The following UBE3D variants were observed in gnomAD, a reference collection of about 807,000 sequenced individuals.
The protein encoded by UBE3D is ubiquitin protein ligase E3D, also known as E3 ubiquitin-protein ligase E3D.
UBE3D carries 48 observed loss-of-function variants against 49.6 expected under a neutral mutation model. The observed-to-expected ratio is 0.97, with a 90% CI of 0.77 to 1.23. The LOEUF is 1.23. Ranked by LOEUF, UBE3D falls within the 50% of genes most tolerant of loss-of-function variation. The pLI is 0.00. For missense variants in UBE3D, 452 were observed against 468.4 expected (o/e 0.96, Z 0.32); for synonymous variants, 189 against 174.2 (o/e 1.08, Z -0.67).
chr6:82,946,099 G>T (rs191272652), intron 9 of UBE3D, among the ~76,000 whole-genome samples: 86 of 152,132 alleles, frequency 5.7e-4, no homozygotes, highest in African/African-American at 2.0e-3. Flanking sequence ...ACATTCAAAG[G>T]GATAATAACA....
At chr6:83,040,390 T>G (rs1782584200) in intron 4 of UBE3D, among the ~76,000 whole-genome samples, 3 of 83,484 alleles carry the variant, frequency 3.6e-5, no homozygotes, top group African/African-American at 1.1e-4. Flanking sequence ...TCTCTCTCTC[T>G]CTCTCTCTCT....
At position 82,957,483 on chromosome 6, in the gene UBE3D, T is replaced by C. The variant is rs1245671701; in HGVS notation, c.1011-33A>G. 3.8e-6 allele frequency: 6 copies of C among 1,577,584 alleles called. No homozygotes were observed. In the African/African-American group the frequency reaches 4.1e-5, roughly 11 times the overall value. ...ACACCAACACATTAACTTTCAAAAA[T>C]GCATTATCATAATTATTTTAAAAAT... On this transcript the variant is annotated intron_variant, in intron 8 of 9. Coordinates refer to ENST00000369747, the MANE Select transcript of UBE3D (RefSeq NM_198920.3).
At chr6:82,921,875 A>G (rs1773369927) in intron 9 of UBE3D, among the ~76,000 whole-genome samples, 1 of 152,210 alleles carries the variant, frequency 6.6e-6, no homozygotes, top group Non-Finnish European at 1.5e-5. Context: ...AAAACTGTAG[A>G]CATTTTCACT....
At chr6:83,025,014 A>C (rs1273490008) in intron 5 of UBE3D, among the ~76,000 whole-genome samples, 5 of 152,156 alleles carry the variant, frequency 3.3e-5, no homozygotes, top group African/African-American at 1.2e-4. Context: ...TTCTTATACA[A>C]ATCAAGTAAG....
rs1240463010 is a variant in UBE3D, at chr6:83,018,968, C to T, written c.1010+5G>A. ...GTGGAAAGAGAAAACAAATGCACAACTTACTTTTCATTCCTGCTTTTGATG... is the reference window on the plus strand; with the variant it reads ...GTGGAAAGAGAAAACAAATGCACAATTTACTTTTCATTCCTGCTTTTGATG... On this transcript the variant is annotated splice_donor_5th_base_variant and intron_variant, in intron 8 of 9. Transcript: ENST00000369747. The T allele has an allele frequency of 6.2e-7, 1 of 1,611,602 alleles. No homozygotes were observed. The highest frequency in any genetic ancestry group is 8.5e-7 in the Non-Finnish European group (1 of 1,179,246).
the UBE3D span, among the ~76,000 whole-genome samples, chr6:82,886,665 T>C: frequency 6.6e-6 from 1 of 152,260 alleles, no homozygotes; most frequent in African/African-American, 2.4e-5. Flanking sequence ...TATCAAGTTC[T>C]CTTTGTTTCC....
intron 8 of UBE3D, among the ~76,000 whole-genome samples, chr6:82,967,404 T>C (rs1221077020): frequency 6.6e-6 from 1 of 151,986 alleles, no homozygotes; most frequent in Non-Finnish European, 1.5e-5. Flanking sequence ...ATAGCCAACA[T>C]ACAGAACAGT....
At chr6:82,968,327 C>G (rs574484625) in intron 8 of UBE3D, among the ~76,000 whole-genome samples, 1 of 150,708 alleles carries the variant, frequency 6.6e-6, no homozygotes, top group Non-Finnish European at 1.5e-5. Context: ...CCCTGCCCCC[C>G]ACCCCATCAC....
At chr6:82,992,253 C>T (rs1471103849) in intron 8 of UBE3D, among the ~76,000 whole-genome samples, 1 of 131,314 alleles carries the variant, frequency 7.6e-6, no homozygotes, top group East Asian at 2.3e-4. Context: ...GATGGAGTCT[C>T]GCTCTGTTGC....
chr6:82,961,230 T>C (rs1776525867), intron 8 of UBE3D, among the ~76,000 whole-genome samples: 1 of 152,242 alleles, frequency 6.6e-6, no homozygotes, highest in South Asian at 2.1e-4. Flanking sequence ...AATAAATATT[T>C]TGAAGACACA....
chr6:82,979,156 T>A (rs1219479865), intron 8 of UBE3D, among the ~76,000 whole-genome samples: 1 of 152,176 alleles, frequency 6.6e-6, no homozygotes, highest in Non-Finnish European at 1.5e-5. Context: ...AGAGCCCCAG[T>A]ACCTAGCACA....
At chr6:82,939,321 T>C (rs1003391489) in intron 9 of UBE3D, among the ~76,000 whole-genome samples, 4 of 152,222 alleles carry the variant, frequency 2.6e-5, no homozygotes, top group Non-Finnish European at 4.4e-5. Context: ...TCTATATTTT[T>C]AGTTTGCTAA....
chr6:83,026,054 G>A (rs930678741), intron 5 of UBE3D, among the ~76,000 whole-genome samples: 2 of 151,938 alleles, frequency 1.3e-5, no homozygotes, highest in Non-Finnish European at 2.9e-5. Flanking sequence ...AAAAATTGAG[G>A]ATGGGTTAAA....
intron 3 of UBE3D, among the ~76,000 whole-genome samples, chr6:83,048,236 G>T (rs1783215284): frequency 6.6e-6 from 1 of 152,118 alleles, no homozygotes; most frequent in South Asian, 2.1e-4. Context: ...AACTGTGTGG[G>T]GTGTTCCAGG....
chr6:82,993,128 GAGAGAGAGAGAGAC>G (rs1779009690), intron 8 of UBE3D, among the ~76,000 whole-genome samples: 1 of 151,952 alleles, frequency 6.6e-6, no homozygotes, highest in Non-Finnish European at 1.5e-5. Flanking sequence ...GGGGGAGAGA[GAGAGAGAGAGAGAC>G]AGAGAGAGAG....
chr6:82,955,909 A>G (rs1446336723), intron 9 of UBE3D, among the ~76,000 whole-genome samples: 1 of 152,196 alleles, frequency 6.6e-6, no homozygotes, highest in Non-Finnish European at 1.5e-5. Flanking sequence ...GTCCTTTGAG[A>G]CACCAGGATT....
chr6:82,891,896 G>A (rs1323863659), downstream of UBE3D, among the ~76,000 whole-genome samples: 1 of 152,144 alleles, frequency 6.6e-6, no homozygotes, highest in Admixed American at 6.5e-5. Context: ...GTGTGATGGT[G>A]GGTGCCTGTA....
chr6:82,989,219 T>C (rs925437933), intron 8 of UBE3D, among the ~76,000 whole-genome samples: 2 of 152,084 alleles, frequency 1.3e-5, no homozygotes, highest in Admixed American at 6.6e-5. Context: ...TCACCTCTGA[T>C]GCAGCATCAT....
At chr6:82,997,382 T>C (rs1779313870) in intron 8 of UBE3D, among the ~76,000 whole-genome samples, 1 of 152,034 alleles carries the variant, frequency 6.6e-6, no homozygotes, top group South Asian at 2.1e-4. Context: ...GAAAAATAAA[T>C]TGCAGAAGGA....
Sources: allele counts gnomAD v4.1 joint callset (sites outside exome capture counted in the v4.1 genomes callset), GRCh38; gene constraint gnomAD v4.1.1; transcripts MANE v1.5; gene names NCBI Gene and HGNC (gene_info 2026-07-23, HGNC 2026-07-21).